The following CDKL4 variants were observed in gnomAD, a reference collection of about 807,000 sequenced individuals.
CDKL4 encodes cyclin dependent kinase like 4, also known as cyclin-dependent kinase-like 4.
Under a neutral mutation model 42.0 loss-of-function variants are expected in CDKL4, and 44 were observed. That is an observed-to-expected ratio of 1.05 (90% CI 0.82 to 1.35). The LOEUF is 1.35. CDKL4 is among the 40% of genes most tolerant of loss of function. CDKL4 has a pLI of 0.00. For missense variants in CDKL4, 393 were observed against 369.9 expected, an observed-to-expected ratio of 1.06 and a Z score of -0.51; for synonymous variants, 120 against 121.6, an observed-to-expected ratio of 0.99 and a Z score of 0.09.
At chr2:39,186,429 C>G (rs1392108625) in intron 7 of CDKL4, among the ~76,000 whole-genome samples, 1 of 152,118 alleles carries the variant, frequency 6.6e-6, no homozygotes, top group East Asian at 1.9e-4. Context: ...TGGACACATG[C>G]TTTTCTTGAC....
At chr2:39,240,716 C>T (rs1017934801) in intron 1 of CDKL4, among the ~76,000 whole-genome samples, 1 of 147,610 alleles carries the variant, frequency 6.8e-6, no homozygotes, top group Non-Finnish European at 1.5e-5. Flanking sequence ...CCACATGCCC[C>T]AAAACATAAT....
At chr2:39,184,965 C>A (rs951345847) in intron 7 of CDKL4, among the ~76,000 whole-genome samples, 63 of 151,398 alleles carry the variant, frequency 4.2e-4, no homozygotes, top group African/African-American at 1.5e-3. Context: ...AAACTTCTGG[C>A]CTCAAGTGAT....
chr2:39,190,740 G>A (rs13016647), intron 5 of CDKL4, among the ~76,000 whole-genome samples: 124 of 152,280 alleles, frequency 8.1e-4, no homozygotes, highest in Non-Finnish European at 9.3e-4. Flanking sequence ...GTGGCGGGTG[G>A]TGTGATAGGG....
At chr2:39,246,216 A>C (rs1679907431), upstream of CDKL4, among the ~76,000 whole-genome samples, 2 of 152,164 alleles carry the variant, frequency 1.3e-5, no homozygotes, top group Admixed American at 6.5e-5. Flanking sequence ...GCTTAGATAC[A>C]TGCTGAAATC....
intron 5 of CDKL4, among the ~76,000 whole-genome samples, chr2:39,191,028 C>T (rs933989964): frequency 4.6e-5 from 7 of 152,126 alleles, no homozygotes; most frequent in Admixed American, 6.6e-5. Flanking sequence ...TGGAGAATGC[C>T]AAGCGATACT....
intron 5 of CDKL4, among the ~76,000 whole-genome samples, chr2:39,200,549 G>C: frequency 6.6e-6 from 1 of 152,010 alleles, no homozygotes; most frequent in East Asian, 1.9e-4. Context: ...TAAGCAAAAA[G>C]AACAAATCTG....
chr2:39,179,719 C>G (rs1482318926), intron 8 of CDKL4, among the ~76,000 whole-genome samples: 2 of 152,144 alleles, frequency 1.3e-5, no homozygotes, highest in Admixed American at 1.3e-4. Context: ...CAAAGGGAAT[C>G]GAGGCACTGG....
chr2:39,185,079 T>G (rs1675644366), intron 7 of CDKL4, among the ~76,000 whole-genome samples: 7 of 147,562 alleles, frequency 4.7e-5, no homozygotes, highest in Admixed American at 4.1e-4. Flanking sequence ...AAAGAAAGAC[T>G]CTCTAGTAGG....
chr2:39,241,880 C>A (rs904883623), intron 1 of CDKL4, among the ~76,000 whole-genome samples: 8 of 152,114 alleles, frequency 5.3e-5, no homozygotes, highest in Non-Finnish European at 1.5e-5. Context: ...TTTTTCTAAC[C>A]TTTCTATTAA....
At chr2:39,187,817 C>T (rs537942798) in intron 6 of CDKL4, 108 bp from the exon 7 acceptor site, 176 of 708,692 alleles carry the variant, frequency 2.5e-4, no homozygotes, top group Non-Finnish European at 4.0e-4. Flanking sequence ...CCTGTAATTC[C>T]AGCACTTTGA....
intron 9 of CDKL4, among the ~76,000 whole-genome samples, chr2:39,177,873 G>A (rs1345637642): frequency 6.6e-6 from 1 of 151,898 alleles, no homozygotes. Context: ...ATTTTTAGAA[G>A]AGATGGGGTT....
chr2:39,246,671 T>C (rs1266191479), upstream of CDKL4, among the ~76,000 whole-genome samples: 2 of 152,340 alleles, frequency 1.3e-5, no homozygotes, highest in East Asian at 3.9e-4. Flanking sequence ...CTGCATATGG[T>C]AAATTTCTCT....
At chr2:39,228,870 T>A (rs923080776) in intron 2 of CDKL4, among the ~76,000 whole-genome samples, 10 of 152,230 alleles carry the variant, frequency 6.6e-5, no homozygotes, top group Admixed American at 6.5e-5. Context: ...AAAACAATTA[T>A]AACAAAAACC....
At chr2:39,238,136 T>C (rs1679465407) in intron 1 of CDKL4, among the ~76,000 whole-genome samples, 1 of 152,196 alleles carries the variant, frequency 6.6e-6, no homozygotes, top group African/African-American at 2.4e-5. Context: ...AATTCATCTA[T>C]AAACTAATTC....
rs569597556 is a variant in CDKL4 at position 39,192,371 on chromosome 2, C to A, written c.455-1869G>T. 2.1e-3 allele frequency among the ~76,000 whole-genome samples: 319 copies of A among 151,888 alleles called. 1 individual carries two copies. Among genetic ancestry groups the A allele is most frequent in the African/African-American group, 7.2e-3 (298 of 41,428 alleles). On this transcript the variant is annotated intron_variant, in intron 5 of 9. Transcript: ENST00000451199. ...TTATTTACAGCATAGTTCTGAGTAC[C>A]ACTTTTTTGGAGGCAGGGTCATGCT...
chr2:39,243,879 C>T lies in CDKL4; in HGVS notation c.-65G>A, dbSNP rs1679791024. Among the ~76,000 whole-genome samples, 1 of 152,282 alleles carries T rather than the reference C, an allele frequency of 6.6e-6. No individual in the cohort carries two copies. The highest frequency in any genetic ancestry group is 1.5e-5 in the Non-Finnish European group (1 of 68,050). Reference sequence around the variant, plus strand: ...GCAGAATCCGCACTTACTGCACCCACAGGGCGACGGTGACGAAGCTTCGAG... The same window carrying T: ...GCAGAATCCGCACTTACTGCACCCATAGGGCGACGGTGACGAAGCTTCGAG... On this transcript the variant is annotated 5_prime_UTR_variant, in exon 1 of 10. The change creates a new upstream start codon in the 5' untranslated region. Transcript: ENST00000451199.
chr2:39,187,679 A>C lies in CDKL4; in HGVS notation c.683T>G (p.Phe228Cys), dbSNP rs56353587. 2,303 of 1,612,732 alleles carry C rather than the reference A, an allele frequency of 1.4e-3. 6 individuals are homozygous for C. The highest frequency in any genetic ancestry group is 1.8e-3 in the Non-Finnish European group (2,103 of 1,178,784). Residue 228 changes from phenylalanine to cysteine, a missense_variant, in exon 7 of 10, where the codon TTT (phenylalanine) becomes TGT (cysteine). Physicochemically the swap from Phe to Cys is radical, Grantham distance 205 (BLOSUM62 -2). Transcript: ENST00000451199. The stretch of plus-strand genomic sequence containing the variant: ...GCCATGGAAAAACCCGTTACTTTTA[A>C]AGATTGATTGATGTCTTGGGATTAA...
intron 3 of CDKL4, among the ~76,000 whole-genome samples, chr2:39,223,549 T>C (rs72921035): frequency 0.016 from 2,408 of 150,368 alleles, 59 homozygotes; most frequent in African/African-American, 0.057. Context: ...AGGATAAGCA[T>C]GTTTTCTTAG....
chr2:39,197,425 A>C lies in CDKL4; in HGVS notation c.455-6923T>G, dbSNP rs183516230. ...ACATATTTGAGGGAATAATTGAGGA[A>C]AACTTCCCCGGCCTTGCTAGAGATC... On this transcript the variant is annotated intron_variant, in intron 5 of 9. Transcript: ENST00000451199. Among the ~76,000 whole-genome samples, 425 of 152,362 alleles carry C rather than the reference A, an allele frequency of 2.8e-3. 1 individual carries two copies. Among genetic ancestry groups the C allele is most frequent in the Non-Finnish European group, 5.1e-3 (346 of 68,036 alleles).
Sources: allele counts gnomAD v4.1 joint callset (sites outside exome capture counted in the v4.1 genomes callset), GRCh38; gene constraint gnomAD v4.1.1; transcripts MANE v1.5; gene names NCBI Gene and HGNC (gene_info 2026-07-23, HGNC 2026-07-21).